PTGER3: variants seen among roughly 807,000 people sequenced by gnomAD.
The protein encoded by PTGER3 is prostaglandin E2 receptor EP3 subtype.
PTGER3 carries 22 observed loss-of-function variants against 34.7 expected under a neutral mutation model. The observed-to-expected ratio is 0.63, with a 90% CI of 0.45 to 0.91. The LOEUF (loss-of-function observed/expected upper bound fraction) is 0.91, where lower values mean the gene tolerates loss of function less well. PTGER3 is among the 40% of genes least tolerant of loss of function. PTGER3 has a pLI of 0.00. For synonymous variants in PTGER3, 241 were observed against 230.1 expected (o/e 1.05, Z -0.43); for missense variants, 468 against 519.4 (o/e 0.90, Z 0.96).
At chr1:70,899,667 A>G (rs1189084783) in intron 4 of PTGER3, among the ~76,000 whole-genome samples, 1 of 151,986 alleles carries the variant, frequency 6.6e-6, no homozygotes, top group Non-Finnish European at 1.5e-5. Context: ...GGAACAAACT[A>G]TATTTGGGTT....
chr1:70,994,591 G>A (rs1655764664), intron 2 of PTGER3, among the ~76,000 whole-genome samples: 1 of 151,882 alleles, frequency 6.6e-6, no homozygotes, highest in Non-Finnish European at 1.5e-5. Context: ...CGGAGTAGCT[G>A]GGAGTACAAG....
intron 2 of PTGER3, among the ~76,000 whole-genome samples, chr1:70,956,060 A>C (rs1651298521): frequency 6.6e-6 from 1 of 152,188 alleles, no homozygotes; most frequent in African/African-American, 2.4e-5. Flanking sequence ...CATGAGAAAG[A>C]GTTAATTTTT....
At chr1:70,873,418 C>A (rs369502092) in intron 4 of PTGER3, among the ~76,000 whole-genome samples, 1 of 152,028 alleles carries the variant, frequency 6.6e-6, no homozygotes, top group Non-Finnish European at 1.5e-5. Context: ...TTCATGGGCA[C>A]GGTGAGTCAT....
At chr1:70,957,500 C>G (rs1252322096) in intron 2 of PTGER3, among the ~76,000 whole-genome samples, 1 of 152,112 alleles carries the variant, frequency 6.6e-6, no homozygotes, top group Non-Finnish European at 1.5e-5. Context: ...GGGAAAACTT[C>G]CAGATAATAC....
chr1:70,859,044 T>C (rs1645871404), intron 4 of PTGER3, among the ~76,000 whole-genome samples: 1 of 152,234 alleles, frequency 6.6e-6, no homozygotes, highest in Non-Finnish European at 1.5e-5. Context: ...TTTCTCATTT[T>C]GCTGCTAAGG....
At position 71,047,637 on chromosome 1, in the gene PTGER3, G is replaced by A; in HGVS notation, c.-60C>T. ...AGAGCCGCAGCGGGAGGGGGCAGAC[G>A]CGGCGCGGGCGGCGGCGGAGGTCGG... On this transcript the variant is annotated 5_prime_UTR_variant, in exon 1 of 4. Coordinates refer to ENST00000306666, the MANE Select transcript of PTGER3 (RefSeq NM_198719.2). The A allele has an allele frequency of 6.9e-7, 1 of 1,450,268 alleles. No individual in the cohort carries two copies. Among genetic ancestry groups the A allele is most frequent in the Non-Finnish European group, 9.1e-7 (1 of 1,097,456 alleles). The allele number at this position is 1,450,268 out of a possible 1,614,324, so 89.8% of individuals were successfully genotyped here.
intron 4 of PTGER3, among the ~76,000 whole-genome samples, chr1:70,944,193 C>T (rs1342666349): frequency 1.3e-5 from 2 of 152,026 alleles, no homozygotes; most frequent in Non-Finnish European, 2.9e-5. Flanking sequence ...CTATAAAGCT[C>T]ATTAGGGTCA....
intron 2 of PTGER3, chr1:71,007,646 T>A: frequency 1.0e-6 from 1 of 985,434 alleles, no homozygotes; most frequent in Non-Finnish European, 1.2e-6. Context: ...AGTAGAACGT[T>A]GAAGTGTATT....
Position 70,981,394 on chromosome 1 carries a change from TC to T in PTGER3, c.1078-7007del, listed in dbSNP as rs761089267. ...TTCTTTCTTTCTTTCTTTCTTTCTTTCCTTCCTTCCTTCCTTCCTTCCTTCT... is the reference window on the plus strand; with the variant it reads ...TTCTTTCTTTCTTTCTTTCTTTCTTTCTTCCTTCCTTCCTTCCTTCCTTCT... On this transcript the variant is annotated intron_variant, in intron 2 of 3. Coordinates refer to ENST00000306666, the MANE Select transcript of PTGER3 (RefSeq NM_198719.2). Among the ~76,000 whole-genome samples the T allele has an allele frequency of 6.3e-3, 577 of 92,034 alleles. 20 individuals carry two copies. Among genetic ancestry groups the T allele is most frequent in the East Asian group, 0.043 (92 of 2,162 alleles). 60.4% of individuals were successfully genotyped at this position (92,034 alleles called of 152,430 possible).
intron 2 of PTGER3, among the ~76,000 whole-genome samples, chr1:70,977,105 T>C (rs1210570892): frequency 6.6e-6 from 1 of 152,174 alleles, no homozygotes; most frequent in African/African-American, 2.4e-5. Flanking sequence ...GCTATTTAAC[T>C]GCGTATTTGG....
intron 1 of PTGER3, among the ~76,000 whole-genome samples, chr1:71,044,234 C>T (rs1364246910): frequency 6.6e-6 from 1 of 151,350 alleles, no homozygotes; most frequent in Admixed American, 6.6e-5. Context: ...GTCAGGAGTT[C>T]GAGACCAGCC....
intron 2 of PTGER3, among the ~76,000 whole-genome samples, chr1:70,979,245 T>C (rs1419439400): frequency 1.3e-5 from 2 of 152,020 alleles, no homozygotes; most frequent in African/African-American, 4.8e-5. Context: ...AATGATTTCT[T>C]CTACATTTTT....
chr1:71,033,557 CT>C (rs1240436177), intron 1 of PTGER3, among the ~76,000 whole-genome samples: 1 of 152,248 alleles, frequency 6.6e-6, no homozygotes, highest in Non-Finnish European at 1.5e-5. Context: ...GCCTAATTCA[CT>C]GCCATATTTC....
chr1:70,921,703 T>C (rs1647546471), intron 4 of PTGER3, among the ~76,000 whole-genome samples: 1 of 152,176 alleles, frequency 6.6e-6, no homozygotes, highest in Non-Finnish European at 1.5e-5. Context: ...TCTTGTCTCT[T>C]GTATGTCCTT....
At chr1:71,005,740 G>T in intron 2 of PTGER3, 1 of 440,918 alleles carries the variant, frequency 2.3e-6, no homozygotes, top group Non-Finnish European at 3.0e-6. Context: ...CTGGCCCCAA[G>T]GACATTTGGC....
rs1177257386 is a variant in PTGER3, at chr1:70,973,558, G to T, written c.1169+739C>A. ...ATAACAACTTGTACCGAGCAGAGGGGTTACTGTACCTGACATTACCCAGAG... is the reference window on the plus strand; with the variant it reads ...ATAACAACTTGTACCGAGCAGAGGGTTTACTGTACCTGACATTACCCAGAG... On this transcript the variant is annotated intron_variant, in intron 3 of 3. Transcript: ENST00000306666. Among the ~76,000 whole-genome samples, 3 of 152,106 alleles carry T rather than the reference G, an allele frequency of 2.0e-5. No homozygotes were observed. The East Asian group carries it at 5.8e-4, about 29-fold the overall frequency.
At chr1:70,923,162 G>A (rs753806525) in intron 4 of PTGER3, among the ~76,000 whole-genome samples, 2 of 150,940 alleles carry the variant, frequency 1.3e-5, no homozygotes, top group Non-Finnish European at 2.9e-5. Flanking sequence ...GGCTTACTTG[G>A]TATAAAAATC....
At chr1:70,900,721 A>G (rs1646818353) in intron 4 of PTGER3, among the ~76,000 whole-genome samples, 1 of 152,134 alleles carries the variant, frequency 6.6e-6, no homozygotes. Flanking sequence ...GGAATGAGAG[A>G]GGAAAGCACA....
intron 4 of PTGER3, among the ~76,000 whole-genome samples, chr1:70,922,347 T>C (rs962598263): frequency 5.6e-5 from 8 of 141,742 alleles, no homozygotes; most frequent in Non-Finnish European, 1.1e-4. Context: ...ATGTTGTAGA[T>C]GGTCTGTGTG....
Sources: allele counts gnomAD v4.1 joint callset (sites outside exome capture counted in the v4.1 genomes callset), GRCh38; gene constraint gnomAD v4.1.1; transcripts MANE v1.5; gene names NCBI Gene and HGNC (gene_info 2026-07-23, HGNC 2026-07-21).